Variants in CD1E observed in about 807,000 individuals in gnomAD.
The protein encoded by CD1E is CD1e molecule.
Under a neutral mutation model 40.1 loss-of-function variants are expected in CD1E, and 49 were observed. That is an observed-to-expected ratio of 1.22 (90% CI 0.97 to 1.55). The LOEUF (loss-of-function observed/expected upper bound fraction) is 1.55, where lower values mean the gene tolerates loss of function less well. CD1E is among the 40% of genes most tolerant of loss of function. The pLI is 0.00. For synonymous variants in CD1E, 189 were observed against 178.3 expected (o/e 1.06, Z -0.48); for missense variants, 492 against 471.3 (o/e 1.04, Z -0.41).
In CD1E at chr1:158,355,864, T is replaced by C. The variant is rs1366902169; in HGVS notation, c.663T>C (p.Pro221=). The C allele has an allele frequency of 5.6e-6, 9 of 1,614,110 alleles. No individual in the cohort carries two copies. The highest frequency in any genetic ancestry group is 1.1e-5 in the South Asian group (1 of 91,076). Reference sequence around the variant, plus strand: ...CCTGGCTGTCCTGTGGCCCCAGTCCTGGCCCTGGCCGTCTGCAGCTTGTGT... The same window carrying C: ...CCTGGCTGTCCTGTGGCCCCAGTCCCGGCCCTGGCCGTCTGCAGCTTGTGT... ...PEAWLSCGPS[P]GPGRLQLVCH... Residue 221 remains proline, a synonymous_variant, in exon 4 of 6, where the codon CCT becomes CCC. Transcript: ENST00000368167.
Position 158,355,448 on chromosome 1 carries a change from C to T in CD1E, c.504C>T (p.Ile168=). Residue 168 remains isoleucine (I), a synonymous_variant, in exon 3 of 6, where the codon ATC becomes ATT. Coordinates refer to ENST00000368167, the MANE Select transcript of CD1E (RefSeq NM_030893.4). Reference sequence around the variant, plus strand: ...GAGCAGGGATCCGGGCCCAGAACATCTGTAAAGTGCTCAATCGCTACCTAG... The same window carrying T: ...GAGCAGGGATCCGGGCCCAGAACATTTGTAAAGTGCTCAATCGCTACCTAG... ...SPGAGIRAQN[I]CKVLNRYLDI... is the part of the protein sequence containing the mutation. The T allele has an allele frequency of 6.2e-7, 1 of 1,614,148 alleles. No individual in the cohort carries two copies. The highest frequency in any genetic ancestry group is 2.2e-5 in the East Asian group (1 of 44,864).
At position 158,355,506 on chromosome 1, in the gene CD1E, C is replaced by T. The variant is rs867783284; in HGVS notation, c.562C>T (p.His188Tyr). ...GGAAATACTGCAAAGCCTTCTTGGT[C>T]ACACCTGCCCTCGATTTCTAGCGGG... ...IKEILQSLLGHTCPRFLAGLM... is the reference protein window; with the variant it reads ...IKEILQSLLGYTCPRFLAGLM... Residue 188 changes from histidine (H) to tyrosine (Y), a missense_variant, in exon 3 of 6, where the codon CAC (histidine) becomes TAC (tyrosine). Physicochemically the swap from His to Tyr is moderately conservative, Grantham distance 83. Transcript: ENST00000368167. 1 of 1,614,168 alleles carries T rather than the reference C, an allele frequency of 6.2e-7. No individual in the cohort carries two copies. Among genetic ancestry groups the T allele is most frequent in the Non-Finnish European group, 8.5e-7 (1 of 1,180,034 alleles).
chr1:158,354,188 G>A lies in CD1E; in HGVS notation c.58+142G>A. 4.4e-6 allele frequency: 4 copies of A among 916,916 alleles called. No individual in the cohort carries two copies. The South Asian group carries it at 6.4e-5, about 15-fold the overall frequency. The allele number at this position is 916,916 out of a possible 1,614,324, so 56.8% of individuals were successfully genotyped here. A position where few individuals can be genotyped will look rare whatever the true frequency, so the allele number is the denominator to read the frequency against. ...GCCTTTCAGGCTAGTTCCAGGCAGA[G>A]AATTCTTGCTCTCAGTCTCAGTTTT... On this transcript the variant is annotated intron_variant, in intron 1 of 5. Coordinates refer to ENST00000368167, the MANE Select transcript of CD1E (RefSeq NM_030893.4).
chr1:158,356,628 A>C (rs756636106), intron 5 of CD1E, 37 bp downstream of exon 5: 2 of 1,591,076 alleles, frequency 1.3e-6, no homozygotes, highest in East Asian at 2.2e-5. Flanking sequence ...TTCAGCCTGT[A>C]ATCAATTCAT....
chr1:158,355,728 A>C, intron 3 of CD1E, 99 bp from the exon 4 acceptor site: 1 of 1,413,616 alleles, frequency 7.1e-7, no homozygotes, highest in Non-Finnish European at 9.5e-7. Context: ...AGTGATTACT[A>C]AATCACTCTT....
Position 158,356,709 on chromosome 1 carries a change from T to C in CD1E, c.999-19T>C. ...TTATTTCCTTTCTTTGAGATTAATATCCTCCTCTTTTCCCACAGTTCAAAT... is the reference window on the plus strand; with the variant it reads ...TTATTTCCTTTCTTTGAGATTAATACCCTCCTCTTTTCCCACAGTTCAAAT... On this transcript the variant is annotated intron_variant, in intron 5 of 5. Coordinates refer to ENST00000368167, the MANE Select transcript of CD1E (RefSeq NM_030893.4). 1.2e-6 allele frequency: 2 copies of C among 1,610,650 alleles called. No individual in the cohort carries two copies. Among genetic ancestry groups the C allele is most frequent in the Non-Finnish European group, 1.7e-6 (2 of 1,177,880 alleles).
chr1:158,355,725 A>T (rs1653551352), intron 3 of CD1E, 102 bp from the exon 4 acceptor site: 1 of 1,406,070 alleles, frequency 7.1e-7, no homozygotes, highest in African/African-American at 1.4e-5. Context: ...AGAAGTGATT[A>T]CTAAATCACT....
chr1:158,354,157 G>C, intron 1 of CD1E, 111 bp downstream of exon 1: 2 of 1,014,138 alleles, frequency 2.0e-6, no homozygotes, highest in South Asian at 1.4e-5. Context: ...GATGCCCTTG[G>C]AATATGCCTT....
intron 5 of CD1E, 42 bp downstream of exon 5, chr1:158,356,633 A>G: frequency 1.3e-6 from 2 of 1,580,064 alleles, no homozygotes; most frequent in Non-Finnish European, 1.7e-6. Context: ...CCTGTAATCA[A>G]TTCATTCCTT....
chr1:158,356,457 G>C (rs1219007153), intron 4 of CD1E, 41 bp from the exon 5 acceptor site: 1 of 1,435,426 alleles, frequency 7.0e-7, no homozygotes. Flanking sequence ...TGGTGGAATA[G>C]AGTATTTTAG....
Position 158,357,142 on chromosome 1 carries a change from T to A in CD1E, c.*246T>A, listed in dbSNP as rs1653808803. The stretch of plus-strand genomic sequence containing the variant: ...TTCATGGATTCCCGAGATCACCCAA[T>A]TGATAGCTCTTCTGTACTCCCCAAA... On this transcript the variant is annotated 3_prime_UTR_variant, in exon 6 of 6. Transcript: ENST00000368167. 4.8e-6 allele frequency: 2 copies of A among 418,940 alleles called. No homozygotes were observed. The highest frequency in any genetic ancestry group is 8.7e-6 in the Non-Finnish European group (2 of 230,994). 26.0% of individuals were successfully genotyped at this position (418,940 alleles called of 1,614,324 possible). A position where few individuals can be genotyped will look rare whatever the true frequency, so the allele number is the denominator to read the frequency against.
chr1:158,355,751 A>G lies in CD1E; in HGVS notation c.626-76A>G. The stretch of plus-strand genomic sequence containing the variant: ...CTAAATCACTCTTAGTATTATTACA[A>G]AGGCACCTGAGTCTCTGAGCTCTGG... On this transcript the variant is annotated intron_variant, in intron 3 of 5. Coordinates refer to ENST00000368167, the MANE Select transcript of CD1E (RefSeq NM_030893.4). The G allele has an allele frequency of 7.4e-6, 11 of 1,490,560 alleles. 2 individuals are homozygous for G. In the South Asian group the frequency reaches 1.2e-4, roughly 16 times the overall value. 92.3% of individuals were successfully genotyped at this position (1,490,560 alleles called of 1,614,324 possible).
intron 2 of CD1E, 61 bp from the exon 3 acceptor site, chr1:158,355,239 T>C: frequency 6.6e-7 from 1 of 1,520,074 alleles, no homozygotes; most frequent in Non-Finnish European, 9.0e-7. Flanking sequence ...CTGTCTAAAT[T>C]GTTTGTTTTT....
At chr1:158,355,627 A>G (rs1653536449) in intron 3 of CD1E, 58 bp downstream of exon 3, 1 of 1,547,096 alleles carries the variant, frequency 6.5e-7, no homozygotes, top group African/African-American at 1.4e-5. Flanking sequence ...TCATATTTGA[A>G]TTTGCCTCTC....
At chr1:158,354,766 C>G (rs574239984) in intron 2 of CD1E, 93 bp downstream of exon 2, 8 of 1,104,658 alleles carry the variant, frequency 7.2e-6, no homozygotes, top group Non-Finnish European at 1.0e-5. Flanking sequence ...CATCATTTAA[C>G]CTTACTAACC....
chr1:158,354,115 G>T lies in CD1E; in HGVS notation c.58+69G>T, dbSNP rs1051513463. On this transcript the variant is annotated intron_variant, in intron 1 of 5. Transcript: ENST00000368167. Reference sequence around the variant, plus strand: ...GAGGGCTGAGAGGAAGCTCTGGGGAGGTCCTGGGGGAAGGGAGCAGTACTC... The same window carrying T: ...GAGGGCTGAGAGGAAGCTCTGGGGATGTCCTGGGGGAAGGGAGCAGTACTC... 2.3e-5 allele frequency: 31 copies of T among 1,351,702 alleles called. No individual in the cohort carries two copies. The East Asian group carries it at 5.8e-4, about 25-fold the overall frequency. The allele number at this position is 1,351,702 out of a possible 1,614,324, so 83.7% of individuals were successfully genotyped here.
rs35736767 is a variant in CD1E, at chr1:158,355,884, T to C, written c.683T>C (p.Leu228Pro). The C allele has an allele frequency of 6.8e-6, 11 of 1,614,102 alleles. No individual in the cohort carries two copies. The African/African-American group carries it at 8.0e-5, about 12-fold the overall frequency. Reference protein sequence around the residue: ...GPSPGPGRLQLVCHVSGFYPK... With the variant: ...GPSPGPGRLQPVCHVSGFYPK... ...AGTCCTGGCCCTGGCCGTCTGCAGC[T>C]TGTGTGCCATGTCTCAGGATTCTAC... Residue 228 changes from leucine (L) to proline (P), a missense_variant, in exon 4 of 6, where the codon CTT becomes CCT. Coordinates refer to ENST00000368167, the MANE Select transcript of CD1E (RefSeq NM_030893.4).
At position 158,355,554 on chromosome 1, in the gene CD1E, GAA is replaced by G. The variant is rs1228103644; in HGVS notation, c.611_612del (p.Glu204AlafsTer44). On this transcript the variant is annotated frameshift_variant, in exon 3 of 6. Transcript: ENST00000368167. LOFTEE classifies it high-confidence loss of function. ...GGGGCTCATGGAAGCAGGGGAGTCAGAACTGAAACGGAAAGGTGAGCCCAACT... is the reference window on the plus strand; with the variant it reads ...GGGGCTCATGGAAGCAGGGGAGTCAGCTGAAACGGAAAGGTGAGCCCAACT... ...LAGLMEAGES[E>X]LKRKVKPEAW... 1.9e-6 allele frequency: 3 copies of G among 1,613,820 alleles called. No homozygotes were observed. The highest frequency in any genetic ancestry group is 2.2e-5 in the East Asian group (1 of 44,882).
At chr1:158,356,197 T>C (rs2101612841) in intron 4 of CD1E, 92 bp downstream of exon 4, 2 of 1,420,996 alleles carry the variant, frequency 1.4e-6, no homozygotes, top group Non-Finnish European at 1.9e-6. Context: ...GAATGCTAGG[T>C]ACAAGAAGGG....
Sources: allele counts gnomAD v4.1 joint callset, GRCh38; gene constraint gnomAD v4.1.1; transcripts MANE v1.5; gene names NCBI Gene and HGNC (gene_info 2026-07-23, HGNC 2026-07-21).